The following JPH3 variants were observed in gnomAD, a reference collection of about 807,000 sequenced individuals.
The protein encoded by JPH3 is junctophilin 3.
Under a neutral mutation model 59.6 loss-of-function variants are expected in JPH3, and 11 were observed. The ratio of observed to expected loss-of-function variants is 0.18; its 90% CI spans 0.12 to 0.31. JPH3 has a LOEUF of 0.31. JPH3 is among the 10% of genes least tolerant of loss of function. The pLI, the probability that JPH3 is intolerant of heterozygous loss-of-function variation, is 1.00. For missense variants in JPH3, 1,202 were observed against 1,105.7 expected (o/e 1.09, Z -1.24); for synonymous variants, 673 against 483.6 (o/e 1.39, Z -5.14).
intron 3 of JPH3, among the ~76,000 whole-genome samples, chr16:87,688,100 C>T (rs2142830856): frequency 6.6e-6 from 1 of 152,292 alleles, no homozygotes; most frequent in South Asian, 2.1e-4. Context: ...TTCTCTGGCC[C>T]ATTCCCTGCT....
intron 1 of JPH3, among the ~76,000 whole-genome samples, chr16:87,632,751 G>A (rs1461837586): frequency 6.6e-6 from 1 of 152,030 alleles, no homozygotes; most frequent in Non-Finnish European, 1.5e-5. Context: ...AAATTAGCCG[G>A]GCATGGAGGT....
chr16:87,691,094 C>CG (rs200545048), intron 4 of JPH3, among the ~76,000 whole-genome samples: 8 of 151,254 alleles, frequency 5.3e-5, no homozygotes, highest in South Asian at 2.1e-4. Context: ...GCACCCCCCC[C>CG]CCAAATTCGT....
chr16:87,683,923 A>C, intron 2 of JPH3: 3 of 557,560 alleles, frequency 5.4e-6, no homozygotes, highest in Non-Finnish European at 9.7e-6. Context: ...GTTTTCAAGC[A>C]TGTCCTGTGC....
At chr16:87,695,222 C>T (rs1197123899) in intron 4 of JPH3, 1 of 434,794 alleles carries the variant, frequency 2.3e-6, no homozygotes, top group South Asian at 1.7e-5. Flanking sequence ...CAGCCCTCAC[C>T]TGGTGCCACA....
chr16:87,641,559 C>T (rs1032749105), intron 1 of JPH3, among the ~76,000 whole-genome samples: 1 of 152,252 alleles, frequency 6.6e-6, no homozygotes, highest in African/African-American at 2.4e-5. Context: ...CCACGTCCTT[C>T]TTCCTGGTAC....
chr16:87,656,216 C>T (rs1178865154), intron 2 of JPH3, among the ~76,000 whole-genome samples: 1 of 152,220 alleles, frequency 6.6e-6, no homozygotes, highest in African/African-American at 2.4e-5. Flanking sequence ...ATTTTACAGC[C>T]CAGGAAACAG....
At chr16:87,691,857 G>A (rs960045904) in intron 4 of JPH3, among the ~76,000 whole-genome samples, 4 of 152,098 alleles carry the variant, frequency 2.6e-5, no homozygotes, top group Admixed American at 1.3e-4. Flanking sequence ...GGCTGTGCGC[G>A]CGCGGTTATT....
rs1205608326 is a variant in JPH3, at chr16:87,602,643, A to T, written c.-504A>T. ...CGGCCCCCAATATGGTGCAGCCGCCAGCGCCGCCGCCCGTGCCGCCGCCGC... is the reference window on the plus strand; with the variant it reads ...CGGCCCCCAATATGGTGCAGCCGCCTGCGCCGCCGCCCGTGCCGCCGCCGC... On this transcript the variant is annotated 5_prime_UTR_variant, in exon 1 of 5. Coordinates refer to ENST00000284262, the MANE Select transcript of JPH3 (RefSeq NM_020655.4). Among the ~76,000 whole-genome samples the T allele has an allele frequency of 9.4e-6, 1 of 106,000 alleles. No individual in the cohort carries two copies. The highest frequency in any genetic ancestry group is 1.9e-5 in the Non-Finnish European group (1 of 51,596). The allele number at this position is 106,000 out of a possible 152,430, so 69.5% of individuals were successfully genotyped here.
chr16:87,604,277 C>T, intron 1 of JPH3: 1 of 1,404,128 alleles, frequency 7.1e-7, no homozygotes, highest in Non-Finnish European at 9.4e-7. Context: ...GGCCGGAAGC[C>T]AGGGAGCTGC....
At chr16:87,667,808 GTTTGTTTTGT>G (rs760804774) in intron 2 of JPH3, among the ~76,000 whole-genome samples, 20 of 152,200 alleles carry the variant, frequency 1.3e-4, no homozygotes, top group Admixed American at 2.6e-4. Flanking sequence ...GTCTGTTTTT[GTTTGTTTTGT>G]TTTGTTTTGT....
intron 2 of JPH3, among the ~76,000 whole-genome samples, chr16:87,681,857 C>T (rs2033303856): frequency 6.6e-6 from 1 of 152,188 alleles, no homozygotes. Context: ...ATGCAGTGTC[C>T]TGGGTGCTGC....
chr16:87,697,874 T>G lies in JPH3; in HGVS notation c.*1214T>G, dbSNP rs1469033197. 2.0e-5 allele frequency: 3 copies of G among 152,430 alleles called. No homozygotes were observed. Among genetic ancestry groups the G allele is most frequent in the African/African-American group, 4.8e-5 (2 of 41,458 alleles). 9.4% of individuals were successfully genotyped at this position (152,430 alleles called of 1,614,324 possible). A position where few individuals can be genotyped will look rare whatever the true frequency, so the allele number is the denominator to read the frequency against. On this transcript the variant is annotated 3_prime_UTR_variant, in exon 5 of 5. Transcript: ENST00000284262. The stretch of plus-strand genomic sequence containing the variant: ...ATCACCCAAACAAAAGAACAAGGTT[T>G]GCCAGGATGTCCGAGTGCCCCCTGG...
chr16:87,680,379 C>A (rs937184664), intron 2 of JPH3, among the ~76,000 whole-genome samples: 4 of 152,262 alleles, frequency 2.6e-5, no homozygotes, highest in African/African-American at 4.8e-5. Flanking sequence ...CGGTGTGGAC[C>A]CAGAAGGAAG....
rs118018387 is a variant in JPH3 at position 87,646,771 on chromosome 16, C to T, written c.1160+1736C>T. On this transcript the variant is annotated intron_variant, in intron 2 of 4. Transcript: ENST00000284262. The stretch of plus-strand genomic sequence containing the variant: ...AAGCTCGTGGCAGCTTCCGTGTGAC[C>T]TGCAGATTGGTTCATGAGTTCATTG... Among the ~76,000 whole-genome samples, 181 of 152,290 alleles carry T rather than the reference C, an allele frequency of 1.2e-3. 1 individual carries two copies. In the East Asian group the frequency reaches 0.022, roughly 18 times the overall value.
chr16:87,630,343 C>T (rs1270987276), intron 1 of JPH3, among the ~76,000 whole-genome samples: 1 of 152,216 alleles, frequency 6.6e-6, no homozygotes, highest in Non-Finnish European at 1.5e-5. Context: ...TCATCTTCCT[C>T]ACCCTCATCT....
chr16:87,644,157 G>C (rs76960347), intron 1 of JPH3, 101 bp from the exon 2 acceptor site: 37 of 1,255,058 alleles, frequency 2.9e-5, no homozygotes, highest in Non-Finnish European at 3.9e-5. Flanking sequence ...AAAACAACAG[G>C]AAGCTCAGAC....
At chr16:87,674,109 T>G (rs1000253114) in intron 2 of JPH3, among the ~76,000 whole-genome samples, 1 of 149,550 alleles carries the variant, frequency 6.7e-6, no homozygotes, top group Non-Finnish European at 1.5e-5. Flanking sequence ...CCGAGGCAGG[T>G]GGATCACGAG....
Position 87,668,997 on chromosome 16 carries a change from T to C in JPH3, c.1161-15145T>C, listed in dbSNP as rs1158867740. ...ATCTCGTTAATCTTCTCGGAGGTCCTGCGAGGCGAGGCCTGTGGTAGCCCT... is the reference window on the plus strand; with the variant it reads ...ATCTCGTTAATCTTCTCGGAGGTCCCGCGAGGCGAGGCCTGTGGTAGCCCT... On this transcript the variant is annotated intron_variant, in intron 2 of 4. Coordinates refer to ENST00000284262, the MANE Select transcript of JPH3 (RefSeq NM_020655.4). Among the ~76,000 whole-genome samples the C allele has an allele frequency of 5.3e-5, 8 of 152,210 alleles. No homozygotes were observed. In the East Asian group the frequency reaches 1.4e-3, roughly 26 times the overall value.
chr16:87,685,648 C>A (rs2033399367), intron 3 of JPH3, among the ~76,000 whole-genome samples: 1 of 152,272 alleles, frequency 6.6e-6, no homozygotes, highest in African/African-American at 2.4e-5. Context: ...CCTGCCAGAA[C>A]CCTGGCTGGG....
Sources: allele counts gnomAD v4.1 joint callset (sites outside exome capture counted in the v4.1 genomes callset), GRCh38; gene constraint gnomAD v4.1.1; transcripts MANE v1.5; gene names NCBI Gene and HGNC (gene_info 2026-07-23, HGNC 2026-07-21).